The following BCAS3 variants were observed in gnomAD, a reference collection of about 807,000 sequenced individuals.
BCAS3 encodes the protein BCAS4/BCAS3 fusion.
Under a neutral mutation model 116.1 loss-of-function variants are expected in BCAS3, and 53 were observed. That is an observed-to-expected ratio of 0.46 (90% CI 0.37 to 0.57). BCAS3 has a LOEUF of 0.57. Ranked by LOEUF, BCAS3 falls within the 20% of genes least tolerant of loss-of-function variation. The pLI is 0.00. For missense variants in BCAS3, 917 were observed against 1,165.4 expected (o/e 0.79, Z 3.10); for synonymous variants, 391 against 408.2 (o/e 0.96, Z 0.51).
At chr17:61,038,589 A>G (rs2067232545) in intron 18 of BCAS3, among the ~76,000 whole-genome samples, 2 of 150,840 alleles carry the variant, frequency 1.3e-5, no homozygotes, top group African/African-American at 4.9e-5. Context: ...ATCATATAGT[A>G]TGTAATTTCT....
At chr17:61,194,462 G>A (rs776724810) in intron 22 of BCAS3, among the ~76,000 whole-genome samples, 6 of 152,098 alleles carry the variant, frequency 3.9e-5, no homozygotes, top group East Asian at 1.9e-4. Flanking sequence ...TAACTAAGCC[G>A]GGCGCAGTGG....
In BCAS3 at chr17:61,131,927, T is replaced by C. The variant is rs1218415881; in HGVS notation, c.2425+47363T>C. Among the ~76,000 whole-genome samples the C allele has an allele frequency of 1.3e-5, 2 of 152,248 alleles. No individual in the cohort carries two copies. Among genetic ancestry groups the C allele is most frequent in the African/African-American group, 4.8e-5 (2 of 41,468 alleles). On this transcript the variant is annotated intron_variant, in intron 22 of 23. Transcript: ENST00000407086. This position sits in a 1 kb window ranked among gnomAD's most constrained non-coding sequence, Gnocchi z 4.4. Reference sequence around the variant, plus strand: ...TTTCTTCTTTGTTGTTTATTTCTCATGGCACTGGAAACATTTTTCTTTTCC... The same window carrying C: ...TTTCTTCTTTGTTGTTTATTTCTCACGGCACTGGAAACATTTTTCTTTTCC...
At chr17:60,742,267 A>C (rs75362578) in intron 5 of BCAS3, among the ~76,000 whole-genome samples, 1 of 152,154 alleles carries the variant, frequency 6.6e-6, no homozygotes, top group Non-Finnish European at 1.5e-5. Flanking sequence ...AGCTCAGAGT[A>C]TTGTACAGTA....
chr17:61,216,776 T>G lies in BCAS3; in HGVS notation c.2425+132212T>G, dbSNP rs866839216. ...TCAGGCTGGTCTTGAACTCCTGACC[T>G]CAGGATCCACCCACCTCAGCCTCCC... On this transcript the variant is annotated intron_variant, in intron 22 of 23. Transcript: ENST00000407086. Among the ~76,000 whole-genome samples the G allele has an allele frequency of 6.6e-5, 10 of 151,384 alleles. No homozygotes were observed. The South Asian group carries it at 2.1e-3, about 32-fold the overall frequency.
intron 19 of BCAS3, among the ~76,000 whole-genome samples, chr17:61,042,891 C>CAAAAAAAAAAAAAA (rs35629825): frequency 8.6e-4 from 50 of 58,276 alleles, no homozygotes; most frequent in East Asian, 3.7e-3. Context: ...CTCCATCTCA[C>CAAAAAAAAAAAAAA]AAAAAAAAAA....
At chr17:60,880,839 T>C (rs145667367) in intron 9 of BCAS3, among the ~76,000 whole-genome samples, 1 of 152,362 alleles carries the variant, frequency 6.6e-6, no homozygotes, top group African/African-American at 2.4e-5. Context: ...TTAAATTATT[T>C]GTCTTTTCAA....
intron 6 of BCAS3, among the ~76,000 whole-genome samples, chr17:60,807,505 G>C (rs1266453923): frequency 6.6e-6 from 1 of 152,172 alleles, no homozygotes; most frequent in Non-Finnish European, 1.5e-5. Flanking sequence ...GTTCAGGCTG[G>C]CCATTGTGGC....
chr17:61,206,801 C>CAAAA (rs71148392), intron 22 of BCAS3, among the ~76,000 whole-genome samples: 5 of 74,924 alleles, frequency 6.7e-5, no homozygotes, highest in Non-Finnish European at 9.8e-5. Flanking sequence ...AACTCTGTCT[C>CAAAA]AAAAAAAAAA....
chr17:61,167,860 C>T (rs1203177606), intron 22 of BCAS3, among the ~76,000 whole-genome samples: 2 of 152,134 alleles, frequency 1.3e-5, no homozygotes, highest in African/African-American at 2.4e-5. Flanking sequence ...TTTGATGATT[C>T]GTAGCTATTT....
At chr17:60,709,386 A>C in intron 5 of BCAS3, 61 bp downstream of exon 5, 1 of 1,070,606 alleles carries the variant, frequency 9.3e-7, no homozygotes, top group Admixed American at 2.0e-5. Context: ...CTTATGTGAA[A>C]TCTGTAGATA....
rs1555651709 is a variant in BCAS3 at position 60,988,360 on chromosome 17, T to TTTTTTTTTTTTTTTTTTTTTTTTTTTTTG, written c.1222-1611_1222-1610insTTTTTTTTTTTTTTTTTTTTTTTTTTTTG. Among the ~76,000 whole-genome samples the TTTTTTTTTTTTTTTTTTTTTTTTTTTTTG allele has an allele frequency of 1.5e-5, 2 of 134,818 alleles. 1 individual carries two copies. Among genetic ancestry groups the TTTTTTTTTTTTTTTTTTTTTTTTTTTTTG allele is most frequent in the African/African-American group, 6.4e-5 (2 of 31,490 alleles). 88.4% of individuals were successfully genotyped at this position (134,818 alleles called of 152,430 possible). ...TTTCTTTTTTTTTTTTTTTTTTTTT[T>TTTTTTTTTTTTTTTTTTTTTTTTTTTTTG]ATGTATGTGTTTGGTTTTGGTTTCA... On this transcript the variant is annotated intron_variant, in intron 14 of 23. Coordinates refer to ENST00000407086, the MANE Select transcript of BCAS3 (RefSeq NM_017679.5).
chr17:60,988,345 T>TC (rs971848916), intron 14 of BCAS3, among the ~76,000 whole-genome samples: 9 of 143,286 alleles, frequency 6.3e-5, no homozygotes, highest in East Asian at 6.0e-4. Context: ...TTTCTTTTTT[T>TC]TTTTTTTTTT....
rs939503233 is a variant in BCAS3, at chr17:61,156,267, A to C, written c.2425+71703A>C. 1.3e-5 allele frequency among the ~76,000 whole-genome samples: 2 copies of C among 152,002 alleles called. No homozygotes were observed. Among genetic ancestry groups the C allele is most frequent in the Non-Finnish European group, 2.9e-5 (2 of 68,002 alleles). ...ATGTATTCATTTTGGTCTTCTTTTC[A>C]GGGATTGGAATTGAGCCTGGTAAAA... On this transcript the variant is annotated intron_variant, in intron 22 of 23. Coordinates refer to ENST00000407086, the MANE Select transcript of BCAS3 (RefSeq NM_017679.5). This position sits in a 1 kb window ranked among gnomAD's most constrained non-coding sequence, Gnocchi z 4.7.
At position 61,166,374 on chromosome 17, in the gene BCAS3, ACTCTCT is replaced by A. The variant is rs201488298; in HGVS notation, c.2425+81823_2425+81828del. On this transcript the variant is annotated intron_variant, in intron 22 of 23. Transcript: ENST00000407086. The stretch of plus-strand genomic sequence containing the variant: ...TTCTAAACGTTTTATTATTATTGTT[ACTCTCT>A]CTCTCTCTCTCTTTTTTTTTTTTTT... Among the ~76,000 whole-genome samples the A allele has an allele frequency of 6.4e-5, 5 of 77,592 alleles. No homozygotes were observed. In the East Asian group the frequency reaches 1.4e-3, roughly 21 times the overall value. The allele number at this position is 77,592 out of a possible 152,430, so 50.9% of individuals were successfully genotyped here.
chr17:61,090,694 G>T (rs574852262), intron 22 of BCAS3, among the ~76,000 whole-genome samples: 1 of 152,056 alleles, frequency 6.6e-6, no homozygotes, highest in Admixed American at 6.6e-5. Context: ...GTCTCACTGT[G>T]TTGCCCAGGC....
intron 22 of BCAS3, among the ~76,000 whole-genome samples, chr17:61,109,420 T>G (rs1388562298): frequency 1.3e-5 from 2 of 152,154 alleles, no homozygotes; most frequent in Non-Finnish European, 2.9e-5. Flanking sequence ...TGTGTGCAAG[T>G]ATCTTTTTTA....
At position 61,037,864 on chromosome 17, in the gene BCAS3, T is replaced by C. The variant is rs1467409136; in HGVS notation, c.1763-25T>C. 1 of 1,606,688 alleles carries C rather than the reference T, an allele frequency of 6.2e-7. No individual in the cohort carries two copies. The highest frequency in any genetic ancestry group is 8.5e-7 in the Non-Finnish European group (1 of 1,174,598). ...GCTCCATTTATGCCATCATAACACA[T>C]CGGGTTCTGTTTCTCTGTTTGTAGA... On this transcript the variant is annotated intron_variant, in intron 17 of 23. Coordinates refer to ENST00000407086, the MANE Select transcript of BCAS3 (RefSeq NM_017679.5). This position sits in a 1 kb window ranked among gnomAD's most constrained non-coding sequence, Gnocchi z 4.7.
At chr17:60,963,307 T>G (rs2061497370) in intron 14 of BCAS3, among the ~76,000 whole-genome samples, 1 of 152,170 alleles carries the variant, frequency 6.6e-6, no homozygotes, top group Non-Finnish European at 1.5e-5. Context: ...GCATTGAATC[T>G]GTAAACTACT....
rs1490849308 is a variant in BCAS3 at position 61,124,958 on chromosome 17, A to C, written c.2425+40394A>C. ...GCAAAGTGAGGAGTGGGGAGATGTAAGACAAATTCCCTTTTCTTTCTTCAC... is the reference window on the plus strand; with the variant it reads ...GCAAAGTGAGGAGTGGGGAGATGTACGACAAATTCCCTTTTCTTTCTTCAC... On this transcript the variant is annotated intron_variant, in intron 22 of 23. Transcript: ENST00000407086. The surrounding 1 kb of genome is among the most constrained non-coding windows in gnomAD (Gnocchi z 4.6). 6.6e-6 allele frequency among the ~76,000 whole-genome samples: 1 copy of C among 152,212 alleles called. No individual in the cohort carries two copies. The highest frequency in any genetic ancestry group is 1.5e-5 in the Non-Finnish European group (1 of 68,042).
Sources: allele counts gnomAD v4.1 joint callset (sites outside exome capture counted in the v4.1 genomes callset), GRCh38; gene constraint gnomAD v4.1.1; non-coding constraint Gnocchi (gnomAD v3.1); transcripts MANE v1.5; gene names NCBI Gene and HGNC (gene_info 2026-07-23, HGNC 2026-07-21).